The following PPP1R12A variants were observed in gnomAD, a reference collection of about 807,000 sequenced individuals.
The protein encoded by PPP1R12A is protein phosphatase 1 regulatory subunit 12A.
A neutral mutation model predicts 139.6 loss-of-function variants in PPP1R12A; 19 were observed. The ratio of observed to expected loss-of-function variants is 0.14; its 90% confidence interval spans 0.09 to 0.20. PPP1R12A has a LOEUF of 0.20. Among genes scored for constraint, PPP1R12A ranks in the 10% least tolerant of loss-of-function variants. The pLI, the probability that PPP1R12A is intolerant of heterozygous loss-of-function variation, is 1.00. For synonymous variants in PPP1R12A, 427 were observed against 420.6 expected (o/e 1.02, Z -0.19); for missense variants, 925 against 1,211.5 (o/e 0.76, Z 3.51).
chr12:79,854,980 AATTATTATT>A (rs568597394), intron 2 of PPP1R12A, among the ~76,000 whole-genome samples: 1 of 151,312 alleles, frequency 6.6e-6, no homozygotes, highest in African/African-American at 2.4e-5. Flanking sequence ...ACCAAGTAAC[AATTATTATT>A]ATTATTATTA....
At chr12:79,932,440 T>G (rs966382949) in intron 1 of PPP1R12A, among the ~76,000 whole-genome samples, 8 of 152,202 alleles carry the variant, frequency 5.3e-5, no homozygotes, top group African/African-American at 1.9e-4. Context: ...AAATTTTTAA[T>G]GCTTGATATT....
At chr12:79,835,340 T>C (rs1390282013) in intron 3 of PPP1R12A, among the ~76,000 whole-genome samples, 6 of 152,142 alleles carry the variant, frequency 3.9e-5, no homozygotes, top group East Asian at 3.9e-4. Context: ...CCAGCTTCTC[T>C]GGTTCTTCAT....
At chr12:79,903,809 C>T (rs1249565750) in intron 1 of PPP1R12A, among the ~76,000 whole-genome samples, 1 of 152,018 alleles carries the variant, frequency 6.6e-6, no homozygotes, top group Admixed American at 6.6e-5. Context: ...CACAGCTCTT[C>T]AAAAAAATAA....
chr12:79,814,032 A>G (rs1213169354), intron 9 of PPP1R12A, among the ~76,000 whole-genome samples: 2 of 152,230 alleles, frequency 1.3e-5, no homozygotes, highest in Non-Finnish European at 2.9e-5. Flanking sequence ...TTAGAAATTA[A>G]CAACCTGTTT....
chr12:79,859,343 A>T (rs1486610127), intron 2 of PPP1R12A, among the ~76,000 whole-genome samples: 3 of 151,068 alleles, frequency 2.0e-5, no homozygotes, highest in Non-Finnish European at 4.4e-5. Flanking sequence ...TCTTTAAAAA[A>T]AAAAAAGAAA....
chr12:79,865,893 C>T (rs1039685344), intron 2 of PPP1R12A, among the ~76,000 whole-genome samples: 5 of 152,138 alleles, frequency 3.3e-5, no homozygotes, highest in African/African-American at 1.2e-4. Flanking sequence ...GCCTTACTAC[C>T]CAAAGTAACT....
intron 3 of PPP1R12A, among the ~76,000 whole-genome samples, chr12:79,834,677 A>G (rs542624125): frequency 8.9e-4 from 136 of 152,366 alleles, no homozygotes; most frequent in African/African-American, 3.1e-3. Context: ...ACAAATATCT[A>G]GTCAGAGATA....
intron 14 of PPP1R12A, among the ~76,000 whole-genome samples, chr12:79,805,116 C>G (rs932620931): frequency 2.0e-5 from 3 of 152,188 alleles, no homozygotes; most frequent in African/African-American, 7.2e-5. Context: ...TTGGCTTACA[C>G]TTATGCACAG....
intron 9 of PPP1R12A, among the ~76,000 whole-genome samples, chr12:79,816,520 CA>C (rs1239749986): frequency 6.6e-6 from 1 of 151,836 alleles, no homozygotes; most frequent in Non-Finnish European, 1.5e-5. Context: ...CATAAACAAA[CA>C]AAAACTCTTA....
Position 79,935,056 on chromosome 12 carries a change from C to T in PPP1R12A, c.-125G>A, listed in dbSNP as rs1161930401. ...TGCGGGCCAGAGGAGGGCTGGGAAC[C>T]CGGAGCCGACGCTCGAGACTTCCAG... On this transcript the variant is annotated 5_prime_UTR_variant, in exon 1 of 25. Coordinates refer to ENST00000450142, the MANE Select transcript of PPP1R12A (RefSeq NM_002480.3). 1.4e-6 allele frequency: 2 copies of T among 1,405,240 alleles called. No homozygotes were observed. The highest frequency in any genetic ancestry group is 2.9e-5 in the African/African-American group (2 of 68,414). The allele number at this position is 1,405,240 out of a possible 1,614,324, so 87.0% of individuals were successfully genotyped here. A position where few individuals can be genotyped will look rare whatever the true frequency, so the allele number is the denominator to read the frequency against.
At chr12:79,843,183 A>G (rs1406621485) in intron 3 of PPP1R12A, among the ~76,000 whole-genome samples, 2 of 152,276 alleles carry the variant, frequency 1.3e-5, no homozygotes, top group African/African-American at 4.8e-5. Flanking sequence ...TCATCCATCA[A>G]TGACACTTGG....
At chr12:79,790,943 TAC>T (rs1398039706) in intron 19 of PPP1R12A, among the ~76,000 whole-genome samples, 2 of 152,216 alleles carry the variant, frequency 1.3e-5, no homozygotes, top group African/African-American at 4.8e-5. Context: ...TCTTTGGAGA[TAC>T]TGTAAAATTA....
At chr12:79,818,572 T>C (rs1028572318) in intron 8 of PPP1R12A, among the ~76,000 whole-genome samples, 1 of 152,210 alleles carries the variant, frequency 6.6e-6, no homozygotes, top group Non-Finnish European at 1.5e-5. Context: ...GTAAATGTTA[T>C]TAATATTGCT....
intron 4 of PPP1R12A, among the ~76,000 whole-genome samples, chr12:79,829,519 T>C (rs2137144276): frequency 6.6e-6 from 1 of 152,182 alleles, no homozygotes; most frequent in Middle Eastern, 3.4e-3. Flanking sequence ...TACTACTCAA[T>C]CAGCATATGG....
At chr12:79,878,659 C>T (rs1199750832) in intron 1 of PPP1R12A, among the ~76,000 whole-genome samples, 1 of 152,128 alleles carries the variant, frequency 6.6e-6, no homozygotes, top group East Asian at 1.9e-4. Context: ...GAGAAGCAAA[C>T]ACCTCCTCCT....
chr12:79,873,598 A>G (rs1281355263), intron 1 of PPP1R12A, among the ~76,000 whole-genome samples: 3 of 151,968 alleles, frequency 2.0e-5, no homozygotes, highest in African/African-American at 4.8e-5. Context: ...TTTGAGTTCA[A>G]GGCTGCAATG....
At position 79,774,580 on chromosome 12, in the gene PPP1R12A, T is replaced by C. The variant is rs1869540206; in HGVS notation, c.*1349A>G. The C allele has an allele frequency of 1.3e-5, 2 of 152,412 alleles. No homozygotes were observed. Among genetic ancestry groups the C allele is most frequent in the Non-Finnish European group, 2.9e-5 (2 of 67,954 alleles). The allele number at this position is 152,412 out of a possible 1,614,324, so 9.4% of individuals were successfully genotyped here. ...GTTTAATGAAAATATAAAAGCTATT[T>C]GTCCAAATAAAAGCCATCGTCACTA... On this transcript the variant is annotated 3_prime_UTR_variant, in exon 25 of 25. Transcript: ENST00000450142.
chr12:79,834,684 G>C (rs1453363147), intron 3 of PPP1R12A, among the ~76,000 whole-genome samples: 10 of 152,158 alleles, frequency 6.6e-5, no homozygotes, highest in African/African-American at 2.4e-4. Flanking sequence ...TCTAGTCAGA[G>C]ATATCAAGTA....
chr12:79,776,177 A>C (rs1439472264), intron 24 of PPP1R12A, among the ~76,000 whole-genome samples, 162 bp from the exon 25 acceptor site: 1 of 152,084 alleles, frequency 6.6e-6, no homozygotes, highest in African/African-American at 2.4e-5. Context: ...AAGGAAAAAA[A>C]CCACACCTGG....
Sources: gnomAD v4.1 joint callset for allele counts (sites outside exome capture counted in the v4.1 genomes callset) on GRCh38, gnomAD v4.1.1 for gene constraint, MANE v1.5 for transcripts, NCBI Gene and HGNC (gene_info 2026-07-23, HGNC 2026-07-21) for gene names.